The following SH2D4A variants were observed in gnomAD, a reference collection of about 807,000 sequenced individuals.
SH2D4A encodes SH2 domain-containing protein 4A.
Under a neutral mutation model 64.7 loss-of-function variants are expected in SH2D4A, and 70 were observed. The ratio of observed to expected loss-of-function variants is 1.08; its 90% CI spans 0.89 to 1.32. The LOEUF is 1.32. Among genes scored for constraint, SH2D4A ranks in the 40% most tolerant of loss-of-function variants. The pLI is 0.00. For missense variants in SH2D4A, 706 were observed against 540.1 expected, an observed-to-expected ratio of 1.31 and a Z score of -3.04; for synonymous variants, 268 against 200.7, an observed-to-expected ratio of 1.34 and a Z score of -2.83.
Position 19,365,786 on chromosome 8 carries a change from A to T in SH2D4A, c.917+1504A>T, listed in dbSNP as rs144348300. ...ACAGGGATGGCAGAGGTCACCTCAG[A>T]GCCACCCCAGGAAAAGACAGACCGG... On this transcript the variant is annotated intron_variant, in intron 7 of 9. Transcript: ENST00000265807. Among the ~76,000 whole-genome samples the T allele has an allele frequency of 7.8e-3, 1,170 of 149,120 alleles. 13 individuals are homozygous for T. The highest frequency in any genetic ancestry group is 0.036 in the South Asian group (175 of 4,818).
At chr8:19,368,118 C>A (rs2053031735) in intron 7 of SH2D4A, among the ~76,000 whole-genome samples, 1 of 152,040 alleles carries the variant, frequency 6.6e-6, no homozygotes, top group African/African-American at 2.4e-5. Flanking sequence ...AGAGACTATC[C>A]TTTCTCCAGT....
intron 4 of SH2D4A, among the ~76,000 whole-genome samples, chr8:19,336,956 G>C (rs537865740): frequency 1.3e-5 from 2 of 151,990 alleles, no homozygotes; most frequent in South Asian, 4.2e-4. Context: ...TAGGACAAAA[G>C]ATTAAAATGG....
chr8:19,382,290 G>A (rs762527379), intron 8 of SH2D4A, among the ~76,000 whole-genome samples: 1 of 152,130 alleles, frequency 6.6e-6, no homozygotes, highest in African/African-American at 2.4e-5. Context: ...TCAAGAATCA[G>A]TAGGATTCTT....
At chr8:19,371,373 T>C (rs1431868867) in intron 7 of SH2D4A, among the ~76,000 whole-genome samples, 1 of 152,182 alleles carries the variant, frequency 6.6e-6, no homozygotes, top group East Asian at 1.9e-4. Context: ...TTTCCTTCAG[T>C]CTCAGCATGT....
At chr8:19,373,690 T>A (rs903342897) in intron 8 of SH2D4A, 30 bp downstream of exon 8, 2 of 1,610,190 alleles carry the variant, frequency 1.2e-6, no homozygotes, top group African/African-American at 1.3e-5. Flanking sequence ...CAATGGTGTT[T>A]CGTCTTAGGG....
rs1348750407 is a variant in SH2D4A at position 19,315,503 on chromosome 8, T to C, written c.-205+1680T>C. Among the ~76,000 whole-genome samples the C allele has an allele frequency of 2.6e-5, 4 of 152,228 alleles. No homozygotes were observed. In the South Asian group the frequency reaches 8.3e-4, roughly 32 times the overall value. ...GTATTTTGTTTAGGTCTCAGAGTTA[T>C]TCAAAAGACAGTTGTATTGTAGAAC... On this transcript the variant is annotated intron_variant, in intron 1 of 9. Transcript: ENST00000265807.
chr8:19,331,425 C>T (rs895476692), intron 2 of SH2D4A, among the ~76,000 whole-genome samples: 15 of 152,204 alleles, frequency 9.9e-5, no homozygotes, highest in African/African-American at 3.6e-4. Context: ...CACAGTTGCC[C>T]TGGGTAGGCC....
At chr8:19,368,069 T>C (rs143533173) in intron 7 of SH2D4A, among the ~76,000 whole-genome samples, 3 of 152,336 alleles carry the variant, frequency 2.0e-5, no homozygotes, top group East Asian at 1.9e-4. Context: ...TTCATTCTTA[T>C]ACATGTCACT....
At chr8:19,387,384 C>T (rs28472898) in intron 8 of SH2D4A, among the ~76,000 whole-genome samples, 94 of 99,038 alleles carry the variant, frequency 9.5e-4, no homozygotes, top group African/African-American at 1.6e-3. Context: ...TGCAGGTGTA[C>T]ACCACCACAC....
intron 8 of SH2D4A, among the ~76,000 whole-genome samples, chr8:19,390,414 A>G (rs1000290728): frequency 1.3e-5 from 2 of 152,138 alleles, no homozygotes; most frequent in African/African-American, 2.4e-5. Flanking sequence ...AATATCTAAC[A>G]TTAGATTTTG....
intron 3 of SH2D4A, 39 bp from the exon 4 acceptor site, chr8:19,334,644 TGAA>T: frequency 6.4e-7 from 1 of 1,556,160 alleles, no homozygotes; most frequent in South Asian, 1.2e-5. Flanking sequence ...CTCTTCCTGT[TGAA>T]GAATGTTTTT....
chr8:19,324,945 C>T (rs1051819550), intron 2 of SH2D4A, among the ~76,000 whole-genome samples: 2 of 152,140 alleles, frequency 1.3e-5, no homozygotes, highest in African/African-American at 4.8e-5. Flanking sequence ...CACCTTCATG[C>T]CAGTGACTCA....
At chr8:19,371,753 G>T (rs1158154417) in intron 7 of SH2D4A, among the ~76,000 whole-genome samples, 1 of 151,910 alleles carries the variant, frequency 6.6e-6, no homozygotes, top group Non-Finnish European at 1.5e-5. Flanking sequence ...TCATGTCATT[G>T]TTTTCTTTTT....
At chr8:19,342,886 G>A (rs1170099093) in intron 4 of SH2D4A, among the ~76,000 whole-genome samples, 1 of 151,974 alleles carries the variant, frequency 6.6e-6, no homozygotes, top group Non-Finnish European at 1.5e-5. Context: ...GGGAACAGTG[G>A]AGAAATAGAC....
chr8:19,322,550 G>C (rs979603925), intron 2 of SH2D4A, among the ~76,000 whole-genome samples: 16 of 151,210 alleles, frequency 1.1e-4, no homozygotes, highest in Non-Finnish European at 8.8e-5. Flanking sequence ...CCTGTGCTTA[G>C]TGTTTGGGGA....
At chr8:19,348,389 T>A (rs1445145438) in intron 4 of SH2D4A, among the ~76,000 whole-genome samples, 1 of 152,150 alleles carries the variant, frequency 6.6e-6, no homozygotes, top group Non-Finnish European at 1.5e-5. Context: ...CTTATATTTT[T>A]AAGTGTTATT....
At position 19,361,271 on chromosome 8, in the gene SH2D4A, G is replaced by C. The variant is rs755571647; in HGVS notation, c.663G>C (p.Gln221His). The change falls in exon 6 of 10, where the codon CAG (glutamine) becomes CAC (histidine). Residue 221 changes from glutamine to histidine, a missense_variant. Coordinates refer to ENST00000265807, the MANE Select transcript of SH2D4A (RefSeq NM_022071.4). ...INQIEEERTK[Q>H]ICKSWKEDSE... ...AAATAGAAGAAGAGAGAACGAAGCAGATTTGTAAGAGCTGGAAAGAAGACT... is the reference window on the plus strand; with the variant it reads ...AAATAGAAGAAGAGAGAACGAAGCACATTTGTAAGAGCTGGAAAGAAGACT... The C allele has an allele frequency of 1.2e-6, 2 of 1,612,528 alleles. No homozygotes were observed. Among genetic ancestry groups the C allele is most frequent in the African/African-American group, 1.3e-5 (1 of 74,900 alleles).
intron 2 of SH2D4A, among the ~76,000 whole-genome samples, chr8:19,326,838 CT>C (rs2052289316): frequency 6.6e-6 from 1 of 152,188 alleles, no homozygotes; most frequent in East Asian, 1.9e-4. Context: ...GAATCTAAGG[CT>C]GGCATTCACT....
intron 4 of SH2D4A, among the ~76,000 whole-genome samples, chr8:19,342,496 T>A (rs1294797116): frequency 6.6e-6 from 1 of 152,206 alleles, no homozygotes; most frequent in East Asian, 1.9e-4. Flanking sequence ...GTGCTGGTCA[T>A]TGGGATGATA....
Sources: allele counts gnomAD v4.1 joint callset (sites outside exome capture counted in the v4.1 genomes callset), GRCh38; gene constraint gnomAD v4.1.1; transcripts MANE v1.5; gene names NCBI Gene and HGNC (gene_info 2026-07-23, HGNC 2026-07-21).